ADAMTS20: variants seen among roughly 807,000 people sequenced by gnomAD.
ADAMTS20 encodes the protein A disintegrin and metalloproteinase with thrombospondin motifs 20.
ADAMTS20 carries 225 observed loss-of-function variants against 260.1 expected under a neutral mutation model. The observed-to-expected ratio is 0.87, with a 90% CI of 0.78 to 0.97. The LOEUF is 0.97. Among genes scored for constraint, ADAMTS20 ranks in the 50% least tolerant of loss-of-function variants. The probability of loss-of-function intolerance (pLI) is 0.00; values close to 1 mark genes in which losing one functional copy is unlikely to be tolerated. For missense variants in ADAMTS20, 2,400 were observed against 2,337.7 expected, an observed-to-expected ratio of 1.03 and a Z score of -0.55; for synonymous variants, 802 against 769.5, an observed-to-expected ratio of 1.04 and a Z score of -0.70.
intron 2 of ADAMTS20, among the ~76,000 whole-genome samples, chr12:43,539,908 G>C (rs1283272681): frequency 6.9e-6 from 1 of 145,826 alleles, no homozygotes; most frequent in Admixed American, 6.9e-5. Flanking sequence ...TTTTGAGACA[G>C]AGTCTCACTC....
At chr12:43,490,790 A>G (rs1472762119) in intron 6 of ADAMTS20, among the ~76,000 whole-genome samples, 1 of 152,146 alleles carries the variant, frequency 6.6e-6, no homozygotes, top group East Asian at 1.9e-4. Context: ...TCTCTCATGC[A>G]AAATAATGGT....
intron 28 of ADAMTS20, among the ~76,000 whole-genome samples, chr12:43,416,537 T>C (rs1941133557): frequency 6.6e-6 from 1 of 151,130 alleles, no homozygotes; most frequent in Admixed American, 6.6e-5. Flanking sequence ...TTTTTTTTTT[T>C]TTTTGAGACG....
At chr12:43,384,190 A>C (rs1940420515) in intron 29 of ADAMTS20, among the ~76,000 whole-genome samples, 1 of 152,246 alleles carries the variant, frequency 6.6e-6, no homozygotes, top group African/African-American at 2.4e-5. Context: ...AGCTTTACAG[A>C]AACTCTGACA....
At chr12:43,492,859 G>GA (rs551397030) in intron 5 of ADAMTS20, among the ~76,000 whole-genome samples, 2 of 151,594 alleles carry the variant, frequency 1.3e-5, no homozygotes, top group Non-Finnish European at 2.9e-5. Flanking sequence ...CAATATTTAG[G>GA]AAAAAAACTT....
chr12:43,548,566 T>G (rs1035628438), intron 2 of ADAMTS20, among the ~76,000 whole-genome samples: 1 of 152,172 alleles, frequency 6.6e-6, no homozygotes, highest in Admixed American at 6.5e-5. Flanking sequence ...CCAAAGAAAT[T>G]TAATCGTAGA....
rs772716057 is a variant in ADAMTS20, at chr12:43,376,075, G to C, written c.5294C>G (p.Ser1765Cys). The part of the protein sequence containing the change: ...LTLVQGEENF[S>C]EVYGFRLKNP... Reference sequence around the variant, plus strand: ...CTCGTACCTAAAGCCATACACTTCAGAAAAGTTTTCTTCACCTTGGACCAG... The same window carrying C: ...CTCGTACCTAAAGCCATACACTTCACAAAAGTTTTCTTCACCTTGGACCAG... The change falls in exon 35 of 39, where the codon TCT (serine) becomes TGT (cysteine). Residue 1765 changes from serine to cysteine, a missense_variant. Transcript: ENST00000389420. 1 of 1,609,818 alleles carries C rather than the reference G, an allele frequency of 6.2e-7. No individual in the cohort carries two copies. Among genetic ancestry groups the C allele is most frequent in the East Asian group, 2.2e-5 (1 of 44,774 alleles).
intron 3 of ADAMTS20, among the ~76,000 whole-genome samples, chr12:43,505,208 G>C (rs1942824670): frequency 6.6e-6 from 1 of 151,846 alleles, no homozygotes; most frequent in South Asian, 2.1e-4. Context: ...TAGAGAAAGT[G>C]TTTCATAACA....
At chr12:43,490,338 T>A in intron 7 of ADAMTS20, 57 bp downstream of exon 7, 1 of 895,790 alleles carries the variant, frequency 1.1e-6, no homozygotes, top group Non-Finnish European at 1.6e-6. Flanking sequence ...TAAACATTAT[T>A]GTAAATAATT....
rs141003027 is a variant in ADAMTS20 at position 43,383,813 on chromosome 12, C to T, written c.4617G>A (p.Gly1539=). 3.0e-5 allele frequency: 49 copies of T among 1,613,638 alleles called. No individual in the cohort carries two copies. The highest frequency in any genetic ancestry group is 3.9e-5 in the Non-Finnish European group (46 of 1,179,738). ...ACATGTCGATACTCACATTCAGCCT[C>T]CCTCTTTCCATCCCCTTGTGCTGCA... ...DCVQHKGMER[G]RLNCSTSCER... is the part of the protein sequence containing the mutation. Residue 1539 remains glycine (G), a synonymous_variant, in exon 30 of 39, where the codon GGG becomes GGA. Coordinates refer to ENST00000389420, the MANE Select transcript of ADAMTS20 (RefSeq NM_025003.5).
chr12:43,408,184 C>A (rs1940954770), intron 28 of ADAMTS20, among the ~76,000 whole-genome samples: 1 of 152,148 alleles, frequency 6.6e-6, no homozygotes, highest in Admixed American at 6.5e-5. Context: ...TGAAACACTG[C>A]TTTTGAAAGA....
At chr12:43,541,709 G>A (rs1943378765) in intron 2 of ADAMTS20, among the ~76,000 whole-genome samples, 1 of 152,088 alleles carries the variant, frequency 6.6e-6, no homozygotes, top group Non-Finnish European at 1.5e-5. Context: ...ATGATATAAA[G>A]AAAACACAAG....
At chr12:43,420,800 C>CTTTTTTTTT (rs747496684) in intron 28 of ADAMTS20, among the ~76,000 whole-genome samples, 18 of 55,518 alleles carry the variant, frequency 3.2e-4, no homozygotes, top group East Asian at 1.4e-3. Flanking sequence ...CCTCCTCCTT[C>CTTTTTTTTT]TTTTTTTTTT....
chr12:43,494,555 A>G (rs1358751005), intron 4 of ADAMTS20, among the ~76,000 whole-genome samples: 1 of 152,178 alleles, frequency 6.6e-6, no homozygotes, highest in Non-Finnish European at 1.5e-5. Context: ...CAGGTTTGTC[A>G]TCTGTACCTA....
intron 28 of ADAMTS20, among the ~76,000 whole-genome samples, chr12:43,407,284 C>T (rs1940937377): frequency 6.6e-6 from 1 of 151,614 alleles, no homozygotes; most frequent in South Asian, 2.1e-4. Context: ...AAATGATTAA[C>T]AACAAATATA....
Position 43,383,584 on chromosome 12 carries a change from T to C in ADAMTS20, c.4771A>G (p.Ile1591Val). 2.5e-6 allele frequency: 4 copies of C among 1,613,172 alleles called. No homozygotes were observed. Among genetic ancestry groups the C allele is most frequent in the Non-Finnish European group, 3.4e-6 (4 of 1,179,446 alleles). ...TGTGATGAGTCTGCTGTTACCACAATGTAATTGCAAGGAGGGTTCCTGCAA... is the reference window on the plus strand; with the variant it reads ...TGTGATGAGTCTGCTGTTACCACAACGTAATTGCAAGGAGGGTTCCTGCAA... Reference protein sequence around the residue: ...KNCRNPPCNYIVVTADSSQCA... With the variant: ...KNCRNPPCNYVVVTADSSQCA... The change falls in exon 31 of 39, where the codon ATT becomes GTT. Residue 1591 changes from isoleucine to valine, a missense_variant. Coordinates refer to ENST00000389420, the MANE Select transcript of ADAMTS20 (RefSeq NM_025003.5).
rs1451933182 is a variant in ADAMTS20 at position 43,427,376 on chromosome 12, T to C, written c.4039A>G (p.Lys1347Glu). The C allele has an allele frequency of 1.2e-6, 2 of 1,613,940 alleles. No individual in the cohort carries two copies. The highest frequency in any genetic ancestry group is 1.7e-6 in the Non-Finnish European group (2 of 1,179,850). Reference sequence around the variant, plus strand: ...CCACATTGCTGTAACTCTGGAGGCTTGGAGGCTGCATCGCAGTAACTAGCA... The same window carrying C: ...CCACATTGCTGTAACTCTGGAGGCTCGGAGGCTGCATCGCAGTAACTAGCA... Reference protein sequence around the residue: ...QSASYCDAASKPPELQQCGPG... With the variant: ...QSASYCDAASEPPELQQCGPG... Residue 1347 changes from lysine to glutamate, a missense_variant, in exon 27 of 39, where the codon AAG becomes GAG. Transcript: ENST00000389420.
In ADAMTS20 at chr12:43,551,098, G is replaced by A. The variant is rs1565591198; in HGVS notation, c.264C>T (p.Leu88=). 1 of 1,613,968 alleles carries A rather than the reference G, an allele frequency of 6.2e-7. No individual in the cohort carries two copies. ...CATCGGCGGTCAGGTTCAGCTGGAA[G>A]AGCTGCCCGTAGGCAGTGAAGCGAT... is the stretch of plus-strand genomic sequence containing the variant. ...THYRFTAYGQ[L]FQLNLTADAS... is the part of the protein sequence containing the mutation. The change falls in exon 2 of 39, where the codon CTC becomes CTT. Residue 88 remains leucine (L), a synonymous_variant. Coordinates refer to ENST00000389420, the MANE Select transcript of ADAMTS20 (RefSeq NM_025003.5). This position sits in a 1 kb window ranked among gnomAD's most constrained non-coding sequence, Gnocchi z 4.6.
At chr12:43,395,215 C>A (rs1319043071) in intron 29 of ADAMTS20, among the ~76,000 whole-genome samples, 1 of 152,124 alleles carries the variant, frequency 6.6e-6, no homozygotes, top group Non-Finnish European at 1.5e-5. Context: ...TGTCCCTGAA[C>A]CCTAGTCTAC....
intron 2 of ADAMTS20, among the ~76,000 whole-genome samples, chr12:43,546,946 T>C (rs1352008613): frequency 6.6e-6 from 1 of 152,176 alleles, no homozygotes; most frequent in Non-Finnish European, 1.5e-5. Context: ...AGAAAATTTC[T>C]GCCAGACTCT....
Sources: gnomAD v4.1 joint callset for allele counts (sites outside exome capture counted in the v4.1 genomes callset) on GRCh38, gnomAD v4.1.1 for gene constraint, Gnocchi (gnomAD v3.1) non-coding constraint, MANE v1.5 for transcripts, NCBI Gene and HGNC (gene_info 2026-07-23, HGNC 2026-07-21) for gene names.